EIF4EBP1: variants seen among roughly 807,000 people sequenced by gnomAD.
The protein encoded by EIF4EBP1 is eukaryotic translation initiation factor 4E-binding protein 1.
A neutral mutation model predicts 9.2 loss-of-function variants in EIF4EBP1; 5 were observed. That is an observed-to-expected ratio of 0.54 (90% CI 0.28 to 1.14). EIF4EBP1 has a LOEUF of 1.14. EIF4EBP1 is among the 50% of genes most tolerant of loss of function. The pLI, the probability that EIF4EBP1 is intolerant of heterozygous loss-of-function variation, is 0.09. For synonymous variants in EIF4EBP1, 62 were observed against 67.0 expected, an observed-to-expected ratio of 0.93 and a Z score of 0.36; for missense variants, 139 against 169.6, an observed-to-expected ratio of 0.82 and a Z score of 1.00.
At chr8:38,033,184 C>A (rs777557017) in intron 1 of EIF4EBP1, among the ~76,000 whole-genome samples, 8 of 151,538 alleles carry the variant, frequency 5.3e-5, no homozygotes, top group Non-Finnish European at 8.8e-5. Context: ...CCCACCCCAG[C>A]CTCCCCAATA....
At chr8:38,044,359 A>C (rs1291974375) in intron 1 of EIF4EBP1, among the ~76,000 whole-genome samples, 1 of 152,188 alleles carries the variant, frequency 6.6e-6, no homozygotes, top group Non-Finnish European at 1.5e-5. Flanking sequence ...TGTTCTGACA[A>C]GCACCCAGAA....
chr8:38,038,914 CTTT>C (rs1225729715), intron 1 of EIF4EBP1, among the ~76,000 whole-genome samples: 15 of 138,260 alleles, frequency 1.1e-4, no homozygotes, highest in Non-Finnish European at 7.9e-5. Flanking sequence ...AAATTTCTTT[CTTT>C]TTTTTTTTTT....
chr8:38,034,983 G>C (rs945009616), intron 1 of EIF4EBP1, among the ~76,000 whole-genome samples: 7 of 152,164 alleles, frequency 4.6e-5, no homozygotes, highest in Admixed American at 4.6e-4. Flanking sequence ...AGCTGGGTGC[G>C]GTGGCTCACT....
intron 2 of EIF4EBP1, 147 bp from the exon 3 acceptor site, chr8:38,059,755 CAA>C (rs1194992251): frequency 1.8e-4 from 111 of 601,866 alleles, no homozygotes; most frequent in Middle Eastern, 9.1e-4. Flanking sequence ...GACTCCATCT[CAA>C]AAAAAAAAAA....
rs1809657755 is a variant in EIF4EBP1 at position 38,060,238 on chromosome 8, C to T, written c.*303C>T. 4 of 463,744 alleles carry T rather than the reference C, an allele frequency of 8.6e-6. No homozygotes were observed. In the East Asian group the frequency reaches 1.6e-4, roughly 19 times the overall value. The allele number at this position is 463,744 out of a possible 1,614,324, so 28.7% of individuals were successfully genotyped here. ...GAACGAACCCTTCCTTCCGAATGATCAGCAGTTCCAGCCCCTCGCTGCTGG... is the reference window on the plus strand; with the variant it reads ...GAACGAACCCTTCCTTCCGAATGATTAGCAGTTCCAGCCCCTCGCTGCTGG... On this transcript the variant is annotated 3_prime_UTR_variant, in exon 3 of 3. Transcript: ENST00000338825.
chr8:38,043,839 T>C (rs373870780), intron 1 of EIF4EBP1, among the ~76,000 whole-genome samples: 19 of 152,024 alleles, frequency 1.2e-4, no homozygotes, highest in African/African-American at 4.3e-4. Context: ...TTGGACTGAG[T>C]GTGCTCTGCA....
chr8:38,031,073 G>A (rs1480661328), intron 1 of EIF4EBP1, among the ~76,000 whole-genome samples: 2 of 152,230 alleles, frequency 1.3e-5, no homozygotes, highest in Non-Finnish European at 2.9e-5. Flanking sequence ...GGTGGCCCAC[G>A]ATCCAGGAGA....
At chr8:38,037,118 T>A (rs773487554) in intron 1 of EIF4EBP1, among the ~76,000 whole-genome samples, 17 of 152,174 alleles carry the variant, frequency 1.1e-4, no homozygotes, top group Non-Finnish European at 2.1e-4. Context: ...CTCTCTCCAT[T>A]ATGATTCATA....
intron 1 of EIF4EBP1, among the ~76,000 whole-genome samples, chr8:38,055,615 T>TTATATTATTGTA (rs1428836436): frequency 4.0e-5 from 6 of 151,214 alleles, no homozygotes; most frequent in African/African-American, 1.5e-4. Flanking sequence ...TAATATATTA[T>TTATATTATTGTA]TATATTATTG....
rs1298132526 is a variant in EIF4EBP1 at position 38,030,660 on chromosome 8, C to G, written c.87C>G (p.Leu29=). Residue 29 remains leucine (L), a synonymous_variant, in exon 1 of 3, where the codon CTC becomes CTG. Coordinates refer to ENST00000338825, the MANE Select transcript of EIF4EBP1 (RefSeq NM_004095.4). ...RRVVLGDGVQ[L]PPGDYSTTPG... ...TGGTGCTCGGCGACGGCGTGCAGCT[C>G]CCGCCCGGGGACTACAGCACGACCC... is the stretch of plus-strand genomic sequence containing the variant. 2 of 1,503,924 alleles carry G rather than the reference C, an allele frequency of 1.3e-6. No homozygotes were observed. Among genetic ancestry groups the G allele is most frequent in the South Asian group, 1.2e-5 (1 of 80,798 alleles). 93.2% of individuals were successfully genotyped at this position (1,503,924 alleles called of 1,614,324 possible).
intron 1 of EIF4EBP1, among the ~76,000 whole-genome samples, chr8:38,043,773 G>T (rs772834152): frequency 2.0e-5 from 3 of 152,130 alleles, no homozygotes; most frequent in Non-Finnish European, 4.4e-5. Flanking sequence ...GAAATGTTGG[G>T]ATCTTGGTTC....
chr8:38,055,721 G>A (rs2130399909), intron 1 of EIF4EBP1, among the ~76,000 whole-genome samples: 1 of 152,214 alleles, frequency 6.6e-6, no homozygotes, highest in South Asian at 2.1e-4. Context: ...AAGGGGCCGG[G>A]CACGGTGGCT....
Position 38,043,249 on chromosome 8 carries a change from G to A in EIF4EBP1, c.145+12531G>A, listed in dbSNP as rs561067343. ...TTCACCCATAGGGTGCATTTGAAGT[G>A]TTTGGGAGGAGGTTAAGGAAGGGGA... On this transcript the variant is annotated intron_variant, in intron 1 of 2. Coordinates refer to ENST00000338825, the MANE Select transcript of EIF4EBP1 (RefSeq NM_004095.4). Among the ~76,000 whole-genome samples, 9 of 152,228 alleles carry A rather than the reference G, an allele frequency of 5.9e-5. No individual in the cohort carries two copies. In the South Asian group the frequency reaches 1.9e-3, roughly 32 times the overall value.
chr8:38,048,649 T>C (rs1809477061), intron 1 of EIF4EBP1, among the ~76,000 whole-genome samples: 1 of 152,118 alleles, frequency 6.6e-6, no homozygotes, highest in Non-Finnish European at 1.5e-5. Flanking sequence ...TTCTATAATT[T>C]TGGCAGAACA....
chr8:38,056,203 G>GC (rs1809592874), intron 1 of EIF4EBP1, among the ~76,000 whole-genome samples: 1 of 151,682 alleles, frequency 6.6e-6, no homozygotes, highest in Non-Finnish European at 1.5e-5. Context: ...AGTTGTCCAG[G>GC]CTAGTCTCAA....
chr8:38,032,823 G>A (rs567990245), intron 1 of EIF4EBP1, among the ~76,000 whole-genome samples: 3 of 152,150 alleles, frequency 2.0e-5, no homozygotes, highest in East Asian at 1.9e-4. Flanking sequence ...GGTCGGCCTC[G>A]ATTAGCCAAG....
At chr8:38,039,402 CTT>C (rs56390718) in intron 1 of EIF4EBP1, among the ~76,000 whole-genome samples, 1,284 of 89,018 alleles carry the variant, frequency 0.014, 10 homozygotes, top group African/African-American at 0.039. Context: ...GTACTAAATA[CTT>C]TTTTTTTTTT....
chr8:38,040,480 C>A (rs1409967681), intron 1 of EIF4EBP1, among the ~76,000 whole-genome samples: 1 of 152,182 alleles, frequency 6.6e-6, no homozygotes, highest in Non-Finnish European at 1.5e-5. Flanking sequence ...ACAAGCCATC[C>A]CCAAACAGTA....
chr8:38,044,933 A>G (rs2130388654), intron 1 of EIF4EBP1, among the ~76,000 whole-genome samples: 1 of 152,238 alleles, frequency 6.6e-6, no homozygotes, highest in East Asian at 1.9e-4. Flanking sequence ...GACAGATGGC[A>G]ACGATTGCTG....
Sources: allele counts gnomAD v4.1 joint callset (sites outside exome capture counted in the v4.1 genomes callset), GRCh38; gene constraint gnomAD v4.1.1; transcripts MANE v1.5; gene names NCBI Gene and HGNC (gene_info 2026-07-23, HGNC 2026-07-21).